Variants in CSNK1G1 observed in about 807,000 individuals in gnomAD.
The protein encoded by CSNK1G1 is casein kinase 1 gamma 1, also known as casein kinase I isoform gamma-1.
A neutral mutation model predicts 59.6 loss-of-function variants in CSNK1G1; 22 were observed. The ratio of observed to expected loss-of-function variants is 0.37; its 90% CI spans 0.26 to 0.53. CSNK1G1 has a LOEUF of 0.53. CSNK1G1 is among the 20% of genes least tolerant of loss of function. The pLI is 0.89. For missense variants in CSNK1G1, 384 were observed against 519.5 expected (o/e 0.74, Z 2.54); for synonymous variants, 179 against 177.1 (o/e 1.01, Z -0.08).
chr15:64,284,470 G>A (rs1236634676), intron 2 of CSNK1G1, among the ~76,000 whole-genome samples: 1 of 152,106 alleles, frequency 6.6e-6, no homozygotes, highest in Non-Finnish European at 1.5e-5. Flanking sequence ...TTACCATGTA[G>A]TTAGATCTTA....
At chr15:64,229,528 TTCTC>T (rs34099287) in intron 4 of CSNK1G1, among the ~76,000 whole-genome samples, 131 of 144,286 alleles carry the variant, frequency 9.1e-4, no homozygotes, top group African/African-American at 2.5e-3. Context: ...CTCTCTCTCT[TTCTC>T]TCTCTCTCTC....
rs565125775 is a variant in CSNK1G1, at chr15:64,347,580, G to A, written c.-225+8408C>T. Among the ~76,000 whole-genome samples, 332 of 63,710 alleles carry A rather than the reference G, an allele frequency of 5.2e-3. 1 individual carries two copies. Among genetic ancestry groups the A allele is most frequent in the Non-Finnish European group, 9.5e-3 (239 of 25,166 alleles). The allele number at this position is 63,710 out of a possible 152,430, so 41.8% of individuals were successfully genotyped here. On this transcript the variant is annotated intron_variant, in intron 1 of 11. Coordinates refer to ENST00000303052, the MANE Select transcript of CSNK1G1 (RefSeq NM_022048.5). ...AGCCTGGTCAACATAGCAACACTCC[G>A]TCTTAAAAAAAAAAAAAAAGAAAGA... is the stretch of plus-strand genomic sequence containing the variant.
chr15:64,262,460 T>C lies in CSNK1G1; in HGVS notation c.182-3219A>G, dbSNP rs1373788685. ...TTTGAACAATGATATGGATAAATGATAGAAAATGCACAGGATGTGATATAC... is the reference window on the plus strand; with the variant it reads ...TTTGAACAATGATATGGATAAATGACAGAAAATGCACAGGATGTGATATAC... On this transcript the variant is annotated intron_variant, in intron 2 of 11. Coordinates refer to ENST00000303052, the MANE Select transcript of CSNK1G1 (RefSeq NM_022048.5). Among the ~76,000 whole-genome samples, 3 of 152,194 alleles carry C rather than the reference T, an allele frequency of 2.0e-5. No individual in the cohort carries two copies. In the East Asian group the frequency reaches 5.8e-4, roughly 29 times the overall value.
intron 2 of CSNK1G1, among the ~76,000 whole-genome samples, chr15:64,289,938 C>T (rs1267030184): frequency 6.6e-6 from 1 of 151,860 alleles, no homozygotes; most frequent in Non-Finnish European, 1.5e-5. Context: ...AAATTAAAAC[C>T]ACAATAAGAT....
chr15:64,265,465 C>T (rs117213041), intron 2 of CSNK1G1, among the ~76,000 whole-genome samples: 6,031 of 152,210 alleles, frequency 0.04, 220 homozygotes, highest in Admixed American at 0.12. Context: ...CTTGCACATG[C>T]TCTCTTTGCC....
rs532937907 is a variant in CSNK1G1, at chr15:64,317,758, G to A, written c.-224-17035C>T. Among the ~76,000 whole-genome samples the A allele has an allele frequency of 1.3e-4, 19 of 151,798 alleles. No homozygotes were observed. The South Asian group carries it at 2.7e-3, about 22-fold the overall frequency. Reference sequence around the variant, plus strand: ...AACAATCCTTACACTTTAGTCTCCCGAAGTGCTGGGATTATAGGCGTGAGC... The same window carrying A: ...AACAATCCTTACACTTTAGTCTCCCAAAGTGCTGGGATTATAGGCGTGAGC... On this transcript the variant is annotated intron_variant, in intron 1 of 11. Coordinates refer to ENST00000303052, the MANE Select transcript of CSNK1G1 (RefSeq NM_022048.5).
chr15:64,287,076 A>G (rs1004722830), intron 2 of CSNK1G1, among the ~76,000 whole-genome samples: 3 of 152,076 alleles, frequency 2.0e-5, no homozygotes, highest in Non-Finnish European at 2.9e-5. Flanking sequence ...GGCTTGTGGT[A>G]TTTCAACTAT....
intron 4 of CSNK1G1, among the ~76,000 whole-genome samples, chr15:64,245,385 T>G (rs1396144909): frequency 1.3e-5 from 2 of 152,218 alleles, no homozygotes; most frequent in African/African-American, 4.8e-5. Context: ...CCAGGATATA[T>G]ATGCAATTCA....
At chr15:64,351,724 C>G (rs1344499678) in intron 1 of CSNK1G1, among the ~76,000 whole-genome samples, 1 of 152,014 alleles carries the variant, frequency 6.6e-6, no homozygotes, top group African/African-American at 2.4e-5. Flanking sequence ...ACTAAAAATA[C>G]AAAAATTAGC....
chr15:64,309,642 T>C (rs1347030024), intron 1 of CSNK1G1, among the ~76,000 whole-genome samples: 1 of 152,228 alleles, frequency 6.6e-6, no homozygotes, highest in Non-Finnish European at 1.5e-5. Context: ...AAGGGCATTG[T>C]AATTGCTTGT....
At chr15:64,350,177 C>G (rs989193954) in intron 1 of CSNK1G1, among the ~76,000 whole-genome samples, 1 of 152,016 alleles carries the variant, frequency 6.6e-6, no homozygotes, top group African/African-American at 2.4e-5. Flanking sequence ...AACAAGTGGA[C>G]TATGTTAAAT....
At chr15:64,189,560 A>G in intron 10 of CSNK1G1, 7 of 896,156 alleles carry the variant, frequency 7.8e-6, no homozygotes, top group African/African-American at 1.8e-5. Flanking sequence ...GCTGATATAA[A>G]CAGCTGCAGG....
chr15:64,223,239 A>G (rs1465241263), intron 4 of CSNK1G1, among the ~76,000 whole-genome samples: 1 of 152,162 alleles, frequency 6.6e-6, no homozygotes, highest in Non-Finnish European at 1.5e-5. Flanking sequence ...TTAAATGAAA[A>G]AAAAAATCCT....
Position 64,171,459 on chromosome 15 carries a change from C to T in CSNK1G1, c.*472G>A, listed in dbSNP as rs1168649267. The T allele has an allele frequency of 1.9e-5, 3 of 159,992 alleles. No individual in the cohort carries two copies. The highest frequency in any genetic ancestry group is 4.8e-5 in the African/African-American group (2 of 41,526). 9.9% of individuals were successfully genotyped at this position (159,992 alleles called of 1,614,324 possible). ...GATACGGAGAAGGTTCTTCTCCAGCCCAGGTCTGCCATTTTCCTCCTACCT... is the reference window on the plus strand; with the variant it reads ...GATACGGAGAAGGTTCTTCTCCAGCTCAGGTCTGCCATTTTCCTCCTACCT... On this transcript the variant is annotated 3_prime_UTR_variant, in exon 12 of 12. Transcript: ENST00000303052. This position sits in a 1 kb window ranked among gnomAD's most constrained non-coding sequence, Gnocchi z 4.8.
intron 1 of CSNK1G1, chr15:64,335,823 G>C (rs1332797195): frequency 6.6e-6 from 1 of 152,114 alleles, no homozygotes; most frequent in African/African-American, 2.4e-5. Context: ...AATTCTTGCT[G>C]TTGTTCCTGT....
At chr15:64,302,402 C>G (rs562973509) in intron 1 of CSNK1G1, among the ~76,000 whole-genome samples, 1 of 152,044 alleles carries the variant, frequency 6.6e-6, no homozygotes, top group Non-Finnish European at 1.5e-5. Flanking sequence ...TGCCTGGCCT[C>G]TGATTGCTTT....
At chr15:64,248,559 G>A (rs1346952895) in intron 4 of CSNK1G1, among the ~76,000 whole-genome samples, 2 of 152,136 alleles carry the variant, frequency 1.3e-5, no homozygotes, top group Non-Finnish European at 1.5e-5. Flanking sequence ...TTATGGCAGG[G>A]AGTGGGGAGA....
chr15:64,337,901 T>C (rs574297028), intron 1 of CSNK1G1, among the ~76,000 whole-genome samples: 3 of 152,330 alleles, frequency 2.0e-5, no homozygotes, highest in African/African-American at 7.2e-5. Context: ...CATGCAATAT[T>C]TGTCCTGTGT....
chr15:64,220,707 T>C (rs978969025), intron 4 of CSNK1G1, among the ~76,000 whole-genome samples: 9 of 152,010 alleles, frequency 5.9e-5, no homozygotes, highest in African/African-American at 2.2e-4. Context: ...CTACAGACTA[T>C]GGCTAATTTT....
Sources: allele counts gnomAD v4.1 joint callset (sites outside exome capture counted in the v4.1 genomes callset), GRCh38; gene constraint gnomAD v4.1.1; non-coding constraint Gnocchi (gnomAD v3.1); transcripts MANE v1.5; gene names NCBI Gene and HGNC (gene_info 2026-07-23, HGNC 2026-07-21).